CCNB2: variants seen among roughly 807,000 people sequenced by gnomAD.
The protein encoded by CCNB2 is G2/mitotic-specific cyclin-B2.
CCNB2 carries 39 observed loss-of-function variants against 51.1 expected under a neutral mutation model. That is an observed-to-expected ratio of 0.76 (90% confidence interval 0.59 to 1.00). The LOEUF (loss-of-function observed/expected upper bound fraction) is 1.00, where lower values mean the gene tolerates loss of function less well. Ranked by LOEUF, CCNB2 falls within the 50% of genes least tolerant of loss-of-function variation. The pLI is 0.00. For synonymous variants in CCNB2, 174 were observed against 165.5 expected (o/e 1.05, Z -0.40); for missense variants, 472 against 470.3 (o/e 1.00, Z -0.03).
At position 59,114,941 on chromosome 15, in the gene CCNB2, T is replaced by C. The variant is rs28383527; in HGVS notation, c.597+65T>C. 4.0e-4 allele frequency: 594 copies of C among 1,488,898 alleles called. 4 individuals carry two copies. The highest frequency in any genetic ancestry group is 3.4e-3 in the Middle Eastern group (15 of 4,364). The allele number at this position is 1,488,898 out of a possible 1,614,324, so 92.2% of individuals were successfully genotyped here. On this transcript the variant is annotated intron_variant, in intron 5 of 8. Transcript: ENST00000288207. ...GAACATTGCATTTATGCTTGGGGGA[T>C]AGAAAACTAAAGTGGGTACTTCTGA...
intron 7 of CCNB2, among the ~76,000 whole-genome samples, chr15:59,119,165 T>G (rs892546247): frequency 6.6e-6 from 1 of 152,188 alleles, no homozygotes; most frequent in African/African-American, 2.4e-5. Context: ...ATGCAAACTT[T>G]AAATTGTAAT....
chr15:59,119,459 CCAA>C (rs2079292963), intron 7 of CCNB2, among the ~76,000 whole-genome samples: 1 of 71,088 alleles, frequency 1.4e-5, no homozygotes, highest in South Asian at 3.8e-4. Context: ...AACCCTGTCT[CCAA>C]AAAAAAAAAA....
chr15:59,111,879 A>T (rs1374986457), intron 3 of CCNB2, among the ~76,000 whole-genome samples: 1 of 136,338 alleles, frequency 7.3e-6, no homozygotes, highest in African/African-American at 2.8e-5. Flanking sequence ...TTTTTGACAG[A>T]GTCTCACTCT....
Position 59,105,193 on chromosome 15 carries a change from C to T in CCNB2, c.-76C>T, listed in dbSNP as rs1257014132. The stretch of plus-strand genomic sequence containing the variant: ...TCGGAGAGCAGTCCTAACGGCGCCT[C>T]GTACGCTAGTGTCCTCCCTTTTCAG... On this transcript the variant is annotated 5_prime_UTR_variant, in exon 1 of 9. Coordinates refer to ENST00000288207, the MANE Select transcript of CCNB2 (RefSeq NM_004701.4). 2.8e-6 allele frequency: 4 copies of T among 1,415,532 alleles called. No individual in the cohort carries two copies. Among genetic ancestry groups the T allele is most frequent in the Non-Finnish European group, 2.9e-6 (3 of 1,031,392 alleles). 87.7% of individuals were successfully genotyped at this position (1,415,532 alleles called of 1,614,324 possible). A position where few individuals can be genotyped will look rare whatever the true frequency, so the allele number is the denominator to read the frequency against.
At chr15:59,106,167 A>G (rs1246438063) in intron 1 of CCNB2, among the ~76,000 whole-genome samples, 2 of 152,206 alleles carry the variant, frequency 1.3e-5, no homozygotes, top group African/African-American at 4.8e-5. Flanking sequence ...ATTGAGTCAC[A>G]TTACCAGGCT....
chr15:59,118,638 C>T (rs978566584), intron 7 of CCNB2, among the ~76,000 whole-genome samples: 15 of 152,186 alleles, frequency 9.9e-5, no homozygotes, highest in Non-Finnish European at 1.6e-4. Context: ...GAGCCAAGAT[C>T]GTGCTACTGC....
rs759801780 is a variant in CCNB2, at chr15:59,116,832, G to A, written c.740G>A (p.Arg247Gln). 8.7e-6 allele frequency: 14 copies of A among 1,614,132 alleles called. No individual in the cohort carries two copies. Among genetic ancestry groups the A allele is most frequent in the Non-Finnish European group, 1.1e-5 (13 of 1,179,994 alleles). ...TDNAYTSSQI[R>Q]EMETLILKEL... ...AATGCTTATACCAGTTCCCAAATCC[G>A]AGAAATGGAAACTCTAATTTTGAAA... The change falls in exon 6 of 9, where the codon CGA becomes CAA. Residue 247 changes from arginine to glutamine, a missense_variant. By Grantham distance (43) the Arg-to-Gln change is conservative (BLOSUM62 1). Transcript: ENST00000288207.
chr15:59,118,772 C>T (rs2079289785), intron 7 of CCNB2, among the ~76,000 whole-genome samples: 1 of 152,212 alleles, frequency 6.6e-6, no homozygotes, highest in East Asian at 1.9e-4. Context: ...GGCGGCAGCT[C>T]TGCCCACACC....
chr15:59,122,239 A>ATTTTTTTTTTTTT (rs1330208146), intron 7 of CCNB2, among the ~76,000 whole-genome samples: 3 of 97,436 alleles, frequency 3.1e-5, no homozygotes, highest in African/African-American at 4.0e-5. Flanking sequence ...CAGTTGACAT[A>ATTTTTTTTTTTTT]TCTTTTTTTT....
intron 7 of CCNB2, among the ~76,000 whole-genome samples, chr15:59,119,893 A>G (rs1465142125): frequency 6.6e-6 from 1 of 151,966 alleles, no homozygotes; most frequent in East Asian, 1.9e-4. Context: ...TTTTTTGTAG[A>G]GATTAGCTCT....
chr15:59,113,631 CTA>C (rs1239697570), intron 3 of CCNB2, among the ~76,000 whole-genome samples: 1 of 151,998 alleles, frequency 6.6e-6, no homozygotes, highest in Non-Finnish European at 1.5e-5. Flanking sequence ...CACATATTAA[CTA>C]TAGAATTTTA....
intron 7 of CCNB2, among the ~76,000 whole-genome samples, chr15:59,122,060 G>C (rs570444328): frequency 6.6e-6 from 1 of 151,112 alleles, no homozygotes; most frequent in African/African-American, 2.4e-5. Context: ...CACGGCTGCA[G>C]TGAGCTTTGA....
chr15:59,108,677 C>T (rs865901500), intron 3 of CCNB2, among the ~76,000 whole-genome samples: 3 of 152,196 alleles, frequency 2.0e-5, no homozygotes, highest in African/African-American at 2.4e-5. Context: ...CAGGAGAGGG[C>T]GGTAGCTTTG....
chr15:59,122,241 C>CTTATTTTTT (rs2079305597), intron 7 of CCNB2, among the ~76,000 whole-genome samples: 1 of 72,990 alleles, frequency 1.4e-5, no homozygotes, highest in African/African-American at 5.8e-5. Context: ...GTTGACATAT[C>CTTATTTTTT]TTTTTTTTTT....
intron 3 of CCNB2, among the ~76,000 whole-genome samples, chr15:59,110,161 T>C (rs2079252416): frequency 6.6e-6 from 1 of 152,138 alleles, no homozygotes; most frequent in Admixed American, 6.5e-5. Flanking sequence ...TTTCCTCCTG[T>C]GACCTCCATA....
chr15:59,114,631 G>C lies in CCNB2; in HGVS notation c.438+17G>C. 1 of 1,586,354 alleles carries C rather than the reference G, an allele frequency of 6.3e-7. No homozygotes were observed. The highest frequency in any genetic ancestry group is 1.7e-4 in the Middle Eastern group (1 of 5,912). The stretch of plus-strand genomic sequence containing the variant: ...CAGCTGGAGGTAGGTGGGCCTTTGT[G>C]TTTTGGTTGTATAAGCAATGTGGAA... On this transcript the variant is annotated intron_variant, in intron 4 of 8. Transcript: ENST00000288207.
chr15:59,113,045 C>A (rs1301809861), intron 3 of CCNB2, among the ~76,000 whole-genome samples: 2 of 150,836 alleles, frequency 1.3e-5, no homozygotes, highest in African/African-American at 4.9e-5. Context: ...AAAAAAAAAA[C>A]ATTTAAAAAA....
chr15:59,117,468 G>A lies in CCNB2; in HGVS notation c.975+100G>A, dbSNP rs955224870. On this transcript the variant is annotated intron_variant, in intron 7 of 8. Coordinates refer to ENST00000288207, the MANE Select transcript of CCNB2 (RefSeq NM_004701.4). Reference sequence around the variant, plus strand: ...TTACAACACTATCCTTGAAGCAGTTGGTTTTGTTTTGTGTTTTTGAGACAG... The same window carrying A: ...TTACAACACTATCCTTGAAGCAGTTAGTTTTGTTTTGTGTTTTTGAGACAG... The A allele has an allele frequency of 2.3e-6, 3 of 1,295,926 alleles. No homozygotes were observed. The African/African-American group carries it at 4.4e-5, about 19-fold the overall frequency. The allele number at this position is 1,295,926 out of a possible 1,614,324, so 80.3% of individuals were successfully genotyped here.
intron 1 of CCNB2, among the ~76,000 whole-genome samples, chr15:59,106,939 T>C (rs1291375218): frequency 9.9e-5 from 15 of 152,228 alleles, no homozygotes; most frequent in Admixed American, 9.8e-4. Context: ...TACCAAGCTC[T>C]GTAAAGGAAG....
Sources: gnomAD v4.1 joint callset for allele counts (sites outside exome capture counted in the v4.1 genomes callset) on GRCh38, gnomAD v4.1.1 for gene constraint, MANE v1.5 for transcripts, NCBI Gene and HGNC (gene_info 2026-07-23, HGNC 2026-07-21) for gene names.